FIRRM: variants seen among roughly 807,000 people sequenced by gnomAD.
FIRRM encodes FIGNL1-interacting regulator of recombination and mitosis.
chr1:169,814,403 T>G, the FIRRM span, among the ~76,000 whole-genome samples: 10,078 of 152,260 alleles, frequency 0.066, 427 homozygotes, highest in Non-Finnish European at 0.099. Flanking sequence ...TGCCATTATT[T>G]TCTATATATT....
the FIRRM span, chr1:169,802,730 G>A: frequency 1.3e-6 from 2 of 1,567,784 alleles, no homozygotes; most frequent in Non-Finnish European, 1.8e-6. Context: ...TTACAAGTAA[G>A]TCAAATGTAT....
the FIRRM span, chr1:169,827,861 C>T: frequency 1.6e-5 from 26 of 1,612,340 alleles, no homozygotes; most frequent in South Asian, 2.7e-4. Flanking sequence ...TGTTTTTATC[C>T]AGTCATATTA....
the FIRRM span, among the ~76,000 whole-genome samples, chr1:169,809,450 C>G: frequency 6.6e-6 from 1 of 152,160 alleles, no homozygotes; most frequent in African/African-American, 2.4e-5. Context: ...TCTTGCTTCT[C>G]TTGACACCAC....
the FIRRM span, chr1:169,792,904 T>A: frequency 6.2e-7 from 1 of 1,614,090 alleles, no homozygotes; most frequent in Non-Finnish European, 8.5e-7. Flanking sequence ...CAGAAAAAAA[T>A]CGGCATTTAT....
the FIRRM span, chr1:169,843,637 T>G: frequency 7.8e-7 from 1 of 1,278,092 alleles, no homozygotes; most frequent in Non-Finnish European, 1.1e-6. Flanking sequence ...CTTATGTGAT[T>G]GAAAATTTTT....
chr1:169,841,609 A>C, the FIRRM span, among the ~76,000 whole-genome samples: 1 of 152,212 alleles, frequency 6.6e-6, no homozygotes, highest in Non-Finnish European at 1.5e-5. Flanking sequence ...AATCCAGAAA[A>C]CATTGCCTTT....
chr1:169,806,625 C>T, the FIRRM span, among the ~76,000 whole-genome samples: 11 of 152,144 alleles, frequency 7.2e-5, no homozygotes, highest in Non-Finnish European at 1.6e-4. Context: ...TTAAGAATAT[C>T]TACTTTATAC....
the FIRRM span, chr1:169,851,051 T>TTTTTG: frequency 1.4e-5 from 1 of 70,864 alleles, no homozygotes; most frequent in Non-Finnish European, 2.5e-5. Context: ...GGCCCTTTTT[T>TTTTTG]TTTTTTTTTT....
the FIRRM span, among the ~76,000 whole-genome samples, chr1:169,821,995 T>C: frequency 6.6e-6 from 1 of 152,154 alleles, no homozygotes; most frequent in Non-Finnish European, 1.5e-5. Context: ...TTATAAGATA[T>C]AGGAAAAAGC....
the FIRRM span, among the ~76,000 whole-genome samples, chr1:169,848,211 C>T: frequency 1.3e-5 from 2 of 152,028 alleles, no homozygotes; most frequent in Admixed American, 6.6e-5. Context: ...GAAAGTGTTG[C>T]AAAATATGTA....
At chr1:169,845,492 A>T in the FIRRM span, among the ~76,000 whole-genome samples, 1 of 152,164 alleles carries the variant, frequency 6.6e-6, no homozygotes, top group East Asian at 1.9e-4. Context: ...GTTTGATGGT[A>T]TTTTACCCAC....
the FIRRM span, among the ~76,000 whole-genome samples, chr1:169,817,672 AATCT>A: frequency 7.2e-5 from 11 of 152,356 alleles, no homozygotes; most frequent in South Asian, 2.1e-4. Flanking sequence ...TGTATAGACA[AATCT>A]ATCTAATTTT....
chr1:169,800,297 A>G, the FIRRM span, among the ~76,000 whole-genome samples: 1 of 151,208 alleles, frequency 6.6e-6, no homozygotes, highest in Non-Finnish European at 1.5e-5. Context: ...CTCCCGCCTC[A>G]GCCACCCAAA....
At chr1:169,823,203 T>C in the FIRRM span, among the ~76,000 whole-genome samples, 1 of 149,832 alleles carries the variant, frequency 6.7e-6, no homozygotes, top group African/African-American at 2.5e-5. Context: ...TGAGCCGAGA[T>C]CACAACATTG....
chr1:169,831,614 T>C, the FIRRM span, among the ~76,000 whole-genome samples: 1 of 152,232 alleles, frequency 6.6e-6, no homozygotes, highest in Non-Finnish European at 1.5e-5. Flanking sequence ...TGAAGTTTCC[T>C]TTAAATAAAA....
the FIRRM span, chr1:169,830,293 A>C: frequency 3.1e-5 from 50 of 1,613,720 alleles, no homozygotes; most frequent in Non-Finnish European, 4.1e-5. Context: ...CTTAGTGCTA[A>C]TATGATCACC....
chr1:169,852,980 T>C, the FIRRM span: 5 of 1,613,488 alleles, frequency 3.1e-6, no homozygotes, highest in South Asian at 1.1e-5. Context: ...ATACATACTC[T>C]AGGGTGAAAC....
chr1:169,827,578 C>A, the FIRRM span: 1 of 928,282 alleles, frequency 1.1e-6, no homozygotes, highest in Non-Finnish European at 1.7e-6. Context: ...GTGGAGGTTG[C>A]AGTGAGCTGA....
At chr1:169,844,155 G>A in the FIRRM span, among the ~76,000 whole-genome samples, 1 of 152,200 alleles carries the variant, frequency 6.6e-6, no homozygotes, top group African/African-American at 2.4e-5. Context: ...TTAAAAGATA[G>A]CACCTATTGT....
Sources: allele counts gnomAD v4.1 joint callset (sites outside exome capture counted in the v4.1 genomes callset), GRCh38; gene constraint gnomAD v4.1.1; transcripts MANE v1.5; gene names NCBI Gene and HGNC (gene_info 2026-07-23, HGNC 2026-07-21).